Variants in GPR89A observed in about 807,000 individuals in gnomAD.
The protein encoded by GPR89A is golgi pH regulator A, also known as G protein-coupled receptor 89A.
In GPR89A, 16 loss-of-function variants were observed where a neutral mutation model predicts 52.0. The observed-to-expected ratio is 0.31, with a 90% CI of 0.21 to 0.47. The LOEUF is 0.47. Ranked by LOEUF, GPR89A falls within the 20% of genes least tolerant of loss-of-function variation. The probability of loss-of-function intolerance (pLI) is 1.00; values close to 1 mark genes in which losing one functional copy is unlikely to be tolerated. For synonymous variants in GPR89A, 55 were observed against 150.9 expected (o/e 0.36, Z 4.66); for missense variants, 135 against 449.4 (o/e 0.30, Z 6.33).
At position 145,611,740 on chromosome 1, in the gene GPR89A, C is replaced by T. The variant is rs192019564; in HGVS notation, c.42+3565C>T. 9.9e-5 allele frequency among the ~76,000 whole-genome samples: 15 copies of T among 151,942 alleles called. No individual in the cohort carries two copies. The East Asian group carries it at 2.7e-3, about 28-fold the overall frequency. On this transcript the variant is annotated intron_variant, in intron 1 of 13. Transcript: ENST00000313835. ...TACATACCACCCTCAGTCCTAACTGCCCAACTTCTCTGTCTTCAGTCGTGG... is the reference window on the plus strand; with the variant it reads ...TACATACCACCCTCAGTCCTAACTGTCCAACTTCTCTGTCTTCAGTCGTGG...
intron 3 of GPR89A, among the ~76,000 whole-genome samples, chr1:145,619,730 C>T (rs1174665727): frequency 1.3e-5 from 2 of 151,752 alleles, no homozygotes; most frequent in East Asian, 2.0e-4. Flanking sequence ...ATAATCCAAA[C>T]CTTGGCCGGG....
At chr1:145,616,020 T>C (rs1182724887) in intron 1 of GPR89A, among the ~76,000 whole-genome samples, 1 of 151,288 alleles carries the variant, frequency 6.6e-6, no homozygotes, top group Non-Finnish European at 1.5e-5. Flanking sequence ...AAGCATACTC[T>C]GTAACATGGA....
At chr1:145,634,450 T>G (rs1571496911) in intron 7 of GPR89A, among the ~76,000 whole-genome samples, 1 of 151,116 alleles carries the variant, frequency 6.6e-6, no homozygotes, top group African/African-American at 2.4e-5. Context: ...CTGACTTAGA[T>G]CTCAACTTCC....
intron 7 of GPR89A, among the ~76,000 whole-genome samples, chr1:145,638,901 T>C (rs1486441570): frequency 6.8e-6 from 1 of 146,854 alleles, no homozygotes; most frequent in African/African-American, 2.7e-5. Context: ...AGCGAGAGGA[T>C]TGTTTGAGCC....
At chr1:145,662,170 A>G (rs1652245770) in intron 10 of GPR89A, among the ~76,000 whole-genome samples, 1 of 152,158 alleles carries the variant, frequency 6.6e-6, no homozygotes, top group Admixed American at 6.6e-5. Context: ...GTTTCTGACT[A>G]ATTTTATCAG....
At chr1:145,656,620 C>G in intron 10 of GPR89A, among the ~76,000 whole-genome samples, 1 of 152,360 alleles carries the variant, frequency 6.6e-6, no homozygotes, top group East Asian at 1.9e-4. Context: ...CTCCCCCGAC[C>G]TTGCCAGTGT....
chr1:145,610,532 G>A (rs587675589), intron 1 of GPR89A, among the ~76,000 whole-genome samples: 1 of 152,150 alleles, frequency 6.6e-6, no homozygotes, highest in East Asian at 1.9e-4. Flanking sequence ...TAAGCCTTCA[G>A]ATCTCAAGTT....
rs782387088 is a variant in GPR89A at position 145,663,446 on chromosome 1, T to C, written c.1005+22T>C. 3.1e-6 allele frequency: 5 copies of C among 1,610,378 alleles called. No individual in the cohort carries two copies. The South Asian group carries it at 5.5e-5, about 18-fold the overall frequency. On this transcript the variant is annotated intron_variant, in intron 11 of 13. Coordinates refer to ENST00000313835, the MANE Select transcript of GPR89A (RefSeq NM_001097612.2). ...TGATGTAAGTGTTATATCAAGATCC[T>C]GGTTTGTCATGTTTCTGTTTTATCT... is the stretch of plus-strand genomic sequence containing the variant.
intron 10 of GPR89A, among the ~76,000 whole-genome samples, chr1:145,650,012 G>A (rs1182978839): frequency 1.5e-4 from 22 of 146,134 alleles, no homozygotes; most frequent in African/African-American, 5.3e-4. Context: ...TGAGGTACAT[G>A]TGCAGGATGT....
intron 7 of GPR89A, among the ~76,000 whole-genome samples, chr1:145,640,955 C>T (rs1459021023): frequency 6.6e-6 from 1 of 151,124 alleles, no homozygotes; most frequent in Non-Finnish European, 1.5e-5. Context: ...AAAACTACAT[C>T]GAGATAATCA....
chr1:145,625,006 CTA>C (rs1392371027), intron 5 of GPR89A, among the ~76,000 whole-genome samples: 3 of 151,264 alleles, frequency 2.0e-5, no homozygotes, highest in African/African-American at 7.3e-5. Flanking sequence ...GAGCCAGTGT[CTA>C]TTATAGAATC....
chr1:145,669,974 T>C lies in GPR89A; in HGVS notation c.1302T>C (p.Ala434=), dbSNP rs1409997654. The change falls in exon 14 of 14, where the codon GCT becomes GCC. Residue 434 remains alanine (A), a synonymous_variant. Coordinates refer to ENST00000313835, the MANE Select transcript of GPR89A (RefSeq NM_001097612.2). Reference sequence around the variant, plus strand: ...TTGATGTGATCTTCCTGGTCAGCGCTCTCTCTAGCATACTCTTCCTCTATT... The same window carrying C: ...TTGATGTGATCTTCCTGGTCAGCGCCCTCTCTAGCATACTCTTCCTCTATT... ...RWFDVIFLVS[A]LSSILFLYLA... 6.0e-6 allele frequency: 8 copies of C among 1,328,158 alleles called. No homozygotes were observed. In the East Asian group the frequency reaches 1.6e-4, roughly 27 times the overall value. 82.3% of individuals were successfully genotyped at this position (1,328,158 alleles called of 1,614,324 possible).
At chr1:145,645,919 CAAATG>C (rs1351641913) in intron 8 of GPR89A, 2 of 569,346 alleles carry the variant, frequency 3.5e-6, no homozygotes, top group African/African-American at 3.8e-5. Context: ...AATCAAAAAA[CAAATG>C]AAACCATCTG....
chr1:145,613,536 A>G (rs1559021145), intron 1 of GPR89A, among the ~76,000 whole-genome samples: 2 of 152,056 alleles, frequency 1.3e-5, no homozygotes, highest in African/African-American at 2.4e-5. Flanking sequence ...CTCATCACCT[A>G]CAGACTATAA....
intron 10 of GPR89A, among the ~76,000 whole-genome samples, chr1:145,656,435 T>C (rs587724827): frequency 9.4e-4 from 143 of 152,230 alleles, no homozygotes; most frequent in African/African-American, 3.3e-3. Context: ...GGCTCCCAGG[T>C]GGGGCTGTTG....
chr1:145,619,328 G>T (rs1571471925), intron 3 of GPR89A, among the ~76,000 whole-genome samples: 1 of 151,462 alleles, frequency 6.6e-6, no homozygotes, highest in African/African-American at 2.4e-5. Flanking sequence ...AAGAGAGAGG[G>T]GCCAGACATA....
At chr1:145,649,911 A>G (rs1162688507) in intron 10 of GPR89A, among the ~76,000 whole-genome samples, 3 of 151,866 alleles carry the variant, frequency 2.0e-5, no homozygotes, top group Non-Finnish European at 4.4e-5. Context: ...GATATTGAGC[A>G]TCTTTTCATG....
chr1:145,650,036 A>G (rs1284619985), intron 10 of GPR89A, among the ~76,000 whole-genome samples: 3 of 149,720 alleles, frequency 2.0e-5, no homozygotes, highest in Non-Finnish European at 4.4e-5. Flanking sequence ...AGTTTGTTAC[A>G]TATGTAAGTA....
chr1:145,612,241 C>G (rs1648339572), intron 1 of GPR89A: 1 of 152,130 alleles, frequency 6.6e-6, no homozygotes, highest in Admixed American at 6.5e-5. Context: ...AAAAGTGAAG[C>G]CAAAAGGTAT....
Sources: allele counts gnomAD v4.1 joint callset (sites outside exome capture counted in the v4.1 genomes callset), GRCh38; gene constraint gnomAD v4.1.1; transcripts MANE v1.5; gene names NCBI Gene and HGNC (gene_info 2026-07-23, HGNC 2026-07-21).